The following MYO5A variants were observed in gnomAD, a reference collection of about 807,000 sequenced individuals.
MYO5A encodes unconventional myosin-Va.
Under a neutral mutation model 249.7 loss-of-function variants are expected in MYO5A, and 98 were observed. The ratio of observed to expected loss-of-function variants is 0.39; its 90% CI spans 0.33 to 0.46. The LOEUF (loss-of-function observed/expected upper bound fraction) is 0.46. Ranked by LOEUF, MYO5A falls within the 20% of genes least tolerant of loss-of-function variation. The probability of loss-of-function intolerance (pLI) is 0.98; values close to 1 mark genes in which losing one functional copy is unlikely to be tolerated. For missense variants in MYO5A, 1,696 were observed against 2,308.8 expected (o/e 0.73, Z 5.44); for synonymous variants, 778 against 810.6 (o/e 0.96, Z 0.68).
Position 52,375,465 on chromosome 15 carries a change from C to T in MYO5A, c.2421-5G>A. ...CTGCGCAGAAACTTAGCATAGCTGG[C>T]CAAAGAAAATAACATTATGTTGTCA... On this transcript the variant is annotated splice_region_variant and splice_polypyrimidine_tract_variant and intron_variant, in intron 19 of 41. Coordinates refer to ENST00000399233, the MANE Select transcript of MYO5A (RefSeq NM_001382347.1). 6.2e-7 allele frequency: 1 copy of T among 1,613,570 alleles called. No individual in the cohort carries two copies. Among genetic ancestry groups the T allele is most frequent in the Non-Finnish European group, 8.5e-7 (1 of 1,179,870 alleles).
At chr15:52,337,738 G>C (rs1190686796) in intron 33 of MYO5A, 72 bp downstream of exon 33, 2 of 1,122,852 alleles carry the variant, frequency 1.8e-6, no homozygotes, top group East Asian at 2.6e-5. Flanking sequence ...GCAGGCAGCA[G>C]TGTGCTCTTC....
At position 52,519,334 on chromosome 15, in the gene MYO5A, C is replaced by T. The variant is rs546954792; in HGVS notation, c.27+9446G>A. Among the ~76,000 whole-genome samples the T allele has an allele frequency of 5.9e-5, 9 of 152,162 alleles. No homozygotes were observed. In the South Asian group the frequency reaches 8.3e-4, roughly 14 times the overall value. ...CCCCAAATTAAGACTGAATAATGGC[C>T]GGGCATGGTAGCTCCCGCCTATAAT... On this transcript the variant is annotated intron_variant, in intron 1 of 41. Transcript: ENST00000399233.
chr15:52,390,822 G>A (rs924103458), intron 12 of MYO5A, among the ~76,000 whole-genome samples: 6 of 152,030 alleles, frequency 3.9e-5, no homozygotes, highest in Admixed American at 3.9e-4. Context: ...GCCTCTCAAA[G>A]TGCTGGGATT....
At chr15:52,487,124 A>G (rs2076837783) in intron 1 of MYO5A, among the ~76,000 whole-genome samples, 1 of 152,234 alleles carries the variant, frequency 6.6e-6, no homozygotes, top group African/African-American at 2.4e-5. Context: ...CTGTGCTAAA[A>G]TGGGTACTAG....
intron 12 of MYO5A, among the ~76,000 whole-genome samples, chr15:52,390,499 A>G (rs2042172430): frequency 6.6e-6 from 1 of 151,740 alleles, no homozygotes; most frequent in East Asian, 1.9e-4. Context: ...TATAAAATGG[A>G]GAGTAGTCTC....
At chr15:52,506,765 G>T (rs1001164933) in intron 1 of MYO5A, among the ~76,000 whole-genome samples, 60 of 152,052 alleles carry the variant, frequency 3.9e-4, no homozygotes, top group Non-Finnish European at 4.0e-4. Flanking sequence ...AACCCGAGAG[G>T]GGGAGGTGGC....
intron 1 of MYO5A, among the ~76,000 whole-genome samples, chr15:52,505,007 C>T (rs2077238882): frequency 6.6e-6 from 1 of 152,042 alleles, no homozygotes; most frequent in East Asian, 1.9e-4. Context: ...TCAATAATGT[C>T]GTTAAGAACT....
chr15:52,428,717 G>C, intron 2 of MYO5A, 148 bp from the exon 3 acceptor site: 2 of 828,672 alleles, frequency 2.4e-6, no homozygotes, highest in Non-Finnish European at 4.0e-6. Flanking sequence ...CACAGAAACT[G>C]GTGGAGATGG....
chr15:52,481,067 A>C (rs2076705264), intron 1 of MYO5A, among the ~76,000 whole-genome samples: 1 of 152,198 alleles, frequency 6.6e-6, no homozygotes, highest in Admixed American at 6.5e-5. Flanking sequence ...AGGTATTATG[A>C]GTCTTCATAA....
chr15:52,422,761 G>A (rs947884966), intron 4 of MYO5A, among the ~76,000 whole-genome samples: 39 of 152,080 alleles, frequency 2.6e-4, no homozygotes, highest in Non-Finnish European at 4.9e-4. Context: ...CTGTCACCCA[G>A]GCAGGAATGC....
intron 1 of MYO5A, among the ~76,000 whole-genome samples, chr15:52,510,897 C>T (rs1199465821): frequency 6.6e-6 from 1 of 152,194 alleles, no homozygotes; most frequent in Non-Finnish European, 1.5e-5. Context: ...TTTAATTGTA[C>T]CCATCACTTT....
At chr15:52,493,577 G>A (rs968419939) in intron 1 of MYO5A, among the ~76,000 whole-genome samples, 8 of 152,000 alleles carry the variant, frequency 5.3e-5, no homozygotes, top group African/African-American at 1.9e-4. Flanking sequence ...CAAGAGAATC[G>A]CTTGAAGCCG....
chr15:52,355,058 T>C (rs1191595419), intron 25 of MYO5A, among the ~76,000 whole-genome samples: 1 of 152,232 alleles, frequency 6.6e-6, no homozygotes, highest in Non-Finnish European at 1.5e-5. Context: ...GAAGACGGAA[T>C]GTACTATGGG....
intron 1 of MYO5A, among the ~76,000 whole-genome samples, chr15:52,455,558 C>CA (rs1427768097): frequency 6.6e-5 from 10 of 151,628 alleles, no homozygotes; most frequent in South Asian, 6.2e-4. Context: ...CAAAAATTCT[C>CA]AAAAAAAATA....
At chr15:52,459,147 A>ATTTTTTTTTTTTTTTTTTTTT (rs531798708) in intron 1 of MYO5A, among the ~76,000 whole-genome samples, 25 of 64,284 alleles carry the variant, frequency 3.9e-4, no homozygotes, top group East Asian at 1.1e-3. Context: ...TTTTCCAGAA[A>ATTTTTTTTTTTTTTTTTTTTT]TTTTTTTTTT....
Position 52,307,431 on chromosome 15 carries a change from A to G in MYO5A, c.*6265T>C, listed in dbSNP as rs909000356. 1.3e-5 allele frequency: 2 copies of G among 152,180 alleles called. No individual in the cohort carries two copies. The highest frequency in any genetic ancestry group is 1.3e-4 in the Admixed American group (2 of 15,274). 9.4% of individuals were successfully genotyped at this position (152,180 alleles called of 1,614,324 possible). ...ATATTGTTTTGGTTTTTATCTTAGC[A>G]CTAGGTGATATCTAGTGAAAACCCA... On this transcript the variant is annotated 3_prime_UTR_variant, in exon 42 of 42. Coordinates refer to ENST00000399233, the MANE Select transcript of MYO5A (RefSeq NM_001382347.1).
intron 1 of MYO5A, among the ~76,000 whole-genome samples, chr15:52,460,324 G>A (rs780031840): frequency 1.3e-5 from 2 of 152,208 alleles, no homozygotes; most frequent in East Asian, 1.9e-4. Flanking sequence ...GTAGCGATCC[G>A]AGATCACGCC....
intron 36 of MYO5A, 132 bp downstream of exon 36, chr15:52,327,720 G>C (rs1166845778): frequency 4.2e-6 from 4 of 949,504 alleles, no homozygotes; most frequent in Non-Finnish European, 6.8e-6. Flanking sequence ...AAAATAGATA[G>C]GTAAGTAAAT....
intron 1 of MYO5A, among the ~76,000 whole-genome samples, chr15:52,495,387 A>T (rs1348528120): frequency 6.6e-6 from 1 of 152,250 alleles, no homozygotes; most frequent in Admixed American, 6.5e-5. Context: ...GGAGATTACC[A>T]GAGGCTGAGG....
Sources: gnomAD v4.1 joint callset for allele counts (sites outside exome capture counted in the v4.1 genomes callset) on GRCh38, gnomAD v4.1.1 for gene constraint, MANE v1.5 for transcripts, NCBI Gene and HGNC (gene_info 2026-07-23, HGNC 2026-07-21) for gene names.